COL28A1: variants seen among roughly 807,000 people sequenced by gnomAD.
COL28A1 encodes collagen alpha-1(XXVIII) chain.
A neutral mutation model predicts 150.2 loss-of-function variants in COL28A1; 161 were observed. The observed-to-expected ratio is 1.07, with a 90% CI of 0.94 to 1.22. The LOEUF is 1.22. Ranked by LOEUF, COL28A1 falls within the 50% of genes most tolerant of loss-of-function variation. COL28A1 has a pLI of 0.00. For synonymous variants in COL28A1, 552 were observed against 469.7 expected (o/e 1.18, Z -2.26); for missense variants, 1,617 against 1,388.3 (o/e 1.16, Z -2.62).
chr7:7,475,953 A>G (rs1036145584), intron 14 of COL28A1, among the ~76,000 whole-genome samples: 3 of 152,250 alleles, frequency 2.0e-5, no homozygotes, highest in African/African-American at 7.2e-5. Flanking sequence ...TTAACCCAGC[A>G]GTCACTCAAA....
chr7:7,375,204 G>T (rs983653078), intron 31 of COL28A1, among the ~76,000 whole-genome samples: 3 of 152,124 alleles, frequency 2.0e-5, no homozygotes, highest in Non-Finnish European at 2.9e-5. Context: ...CTAACAAAAG[G>T]CCCGGCTGCC....
chr7:7,381,513 A>G, intron 28 of COL28A1, 31 bp downstream of exon 28: 1 of 1,542,340 alleles, frequency 6.5e-7, no homozygotes, highest in Non-Finnish European at 9.0e-7. Flanking sequence ...TCCTAAGCCT[A>G]AGCATTTCTC....
intron 27 of COL28A1, among the ~76,000 whole-genome samples, chr7:7,416,454 T>C (rs751798695): frequency 6.6e-6 from 1 of 152,200 alleles, no homozygotes; most frequent in Admixed American, 6.5e-5. Flanking sequence ...CCTAACAGCA[T>C]GTGTGAACTG....
intron 15 of COL28A1, among the ~76,000 whole-genome samples, chr7:7,464,860 G>T (rs1479577711): frequency 6.6e-6 from 1 of 152,094 alleles, no homozygotes; most frequent in Non-Finnish European, 1.5e-5. Context: ...ACAAAAACTG[G>T]TTCTTTGAAA....
chr7:7,520,471 C>A (rs1781658635), intron 5 of COL28A1, among the ~76,000 whole-genome samples: 1 of 152,212 alleles, frequency 6.6e-6, no homozygotes, highest in East Asian at 1.9e-4. Flanking sequence ...AATCTCTCTT[C>A]ATTGTGGGTC....
At chr7:7,458,215 G>A (rs940069777) in intron 15 of COL28A1, among the ~76,000 whole-genome samples, 4 of 152,106 alleles carry the variant, frequency 2.6e-5, no homozygotes, top group South Asian at 2.1e-4. Context: ...TCGGGAGTTC[G>A]AGACCAGCCT....
chr7:7,387,825 T>C (rs2128292571), intron 27 of COL28A1, among the ~76,000 whole-genome samples: 1 of 152,290 alleles, frequency 6.6e-6, no homozygotes, highest in South Asian at 2.1e-4. Flanking sequence ...CTAAAGCATA[T>C]GAGTATACAG....
At chr7:7,534,897 T>C (rs1040635647) in intron 1 of COL28A1, among the ~76,000 whole-genome samples, 5 of 152,164 alleles carry the variant, frequency 3.3e-5, no homozygotes, top group African/African-American at 7.2e-5. Context: ...TTCCCTATTG[T>C]AGCCAGAGGA....
chr7:7,445,798 A>G (rs1165997906), intron 18 of COL28A1, among the ~76,000 whole-genome samples: 1 of 152,212 alleles, frequency 6.6e-6, no homozygotes, highest in Non-Finnish European at 1.5e-5. Flanking sequence ...ATGGAATGAT[A>G]AAGATGAGAG....
intron 27 of COL28A1, among the ~76,000 whole-genome samples, chr7:7,414,046 G>C (rs1272308861): frequency 6.6e-6 from 1 of 152,136 alleles, no homozygotes; most frequent in Non-Finnish European, 1.5e-5. Context: ...ATGGAGATGG[G>C]GAAACTGGCA....
chr7:7,401,262 G>C (rs1303953428), intron 27 of COL28A1, among the ~76,000 whole-genome samples: 1 of 151,990 alleles, frequency 6.6e-6, no homozygotes, highest in Non-Finnish European at 1.5e-5. Flanking sequence ...CCAGGGCCCA[G>C]TCCTTGGATT....
Position 7,385,460 on chromosome 7 carries a change from G to A in COL28A1, c.2137-3848C>T, listed in dbSNP as rs77230793. Among the ~76,000 whole-genome samples the A allele has an allele frequency of 6.6e-5, 10 of 152,288 alleles. No homozygotes were observed. The East Asian group carries it at 1.7e-3, about 27-fold the overall frequency. On this transcript the variant is annotated intron_variant, in intron 27 of 34. Transcript: ENST00000399429. ...GACTGTGGTGTGATGGTGAATTATC[G>A]CTAGGAGTTATATGTTTAGACAAAG...
At position 7,528,876 on chromosome 7, in the gene COL28A1, C is replaced by T. The variant is rs554693655; in HGVS notation, c.681+2472G>A. Among the ~76,000 whole-genome samples the T allele has an allele frequency of 4.6e-5, 7 of 152,146 alleles. No homozygotes were observed. In the South Asian group the frequency reaches 8.3e-4, roughly 18 times the overall value. ...CCCTTTAAGTTAATGCAGTTGTGTA[C>T]TTAAATCATACCTAATTAACTTATT... On this transcript the variant is annotated intron_variant, in intron 3 of 34. Transcript: ENST00000399429.
chr7:7,343,900 C>T, the COL28A1 span, among the ~76,000 whole-genome samples: 1 of 151,766 alleles, frequency 6.6e-6, no homozygotes, highest in African/African-American at 2.4e-5. Flanking sequence ...CTCAGTTACT[C>T]GGGAGGCTGA....
At chr7:7,506,731 C>T (rs1358893918) in intron 10 of COL28A1, among the ~76,000 whole-genome samples, 2 of 152,116 alleles carry the variant, frequency 1.3e-5, no homozygotes, top group Admixed American at 1.3e-4. Context: ...TAAAAATATA[C>T]TGTGATTTAG....
intron 27 of COL28A1, among the ~76,000 whole-genome samples, chr7:7,406,156 C>G (rs2128301584): frequency 6.6e-6 from 1 of 152,282 alleles, no homozygotes; most frequent in African/African-American, 2.4e-5. Context: ...TGAGTGAACA[C>G]TACTGAACTT....
intron 28 of COL28A1, 34 bp from the exon 29 acceptor site, chr7:7,380,896 A>T (rs1256214933): frequency 6.4e-7 from 1 of 1,551,994 alleles, no homozygotes; most frequent in Non-Finnish European, 8.9e-7. Context: ...TAGGTTCAGA[A>T]TGTGAATCTA....
chr7:7,416,439 A>G (rs1200434349), intron 27 of COL28A1, among the ~76,000 whole-genome samples: 5 of 152,242 alleles, frequency 3.3e-5, no homozygotes, highest in Admixed American at 6.5e-5. Context: ...ACGTGGCAGC[A>G]ATAACCTAAC....
At chr7:7,506,662 A>G (rs1360469902) in intron 10 of COL28A1, among the ~76,000 whole-genome samples, 1 of 152,244 alleles carries the variant, frequency 6.6e-6, no homozygotes, top group Non-Finnish European at 1.5e-5. Context: ...ATGGATGTCT[A>G]ACTTAAATGC....
Sources: allele counts gnomAD v4.1 joint callset (sites outside exome capture counted in the v4.1 genomes callset), GRCh38; gene constraint gnomAD v4.1.1; transcripts MANE v1.5; gene names NCBI Gene and HGNC (gene_info 2026-07-23, HGNC 2026-07-21).